SLCO5A1: variants seen among roughly 807,000 people sequenced by gnomAD.
SLCO5A1 encodes solute carrier organic anion transporter family member 5A1.
In SLCO5A1, 39 loss-of-function variants were observed where a neutral mutation model predicts 65.1. The observed-to-expected ratio is 0.60, with a 90% CI of 0.46 to 0.78. The LOEUF (loss-of-function observed/expected upper bound fraction) is 0.78, where lower values mean the gene tolerates loss of function less well. Ranked by LOEUF, SLCO5A1 falls within the 30% of genes least tolerant of loss-of-function variation. The pLI is 0.00. For missense variants in SLCO5A1, 1,029 were observed against 1,069.4 expected (o/e 0.96, Z 0.53); for synonymous variants, 438 against 415.7 (o/e 1.05, Z -0.65).
At chr8:69,680,003 C>G (rs963114164) in intron 7 of SLCO5A1, among the ~76,000 whole-genome samples, 11 of 152,210 alleles carry the variant, frequency 7.2e-5, no homozygotes, top group Middle Eastern at 3.2e-3. Flanking sequence ...GCTCACAGAG[C>G]ACCTAGCACA....
chr8:69,697,056 G>A (rs1814527311), intron 6 of SLCO5A1, among the ~76,000 whole-genome samples: 1 of 152,044 alleles, frequency 6.6e-6, no homozygotes, highest in South Asian at 2.1e-4. Context: ...AGAGAACACA[G>A]GGAAAAGAGA....
chr8:69,723,059 G>C (rs995919771), intron 5 of SLCO5A1, among the ~76,000 whole-genome samples: 2 of 152,080 alleles, frequency 1.3e-5, no homozygotes, highest in African/African-American at 4.8e-5. Flanking sequence ...TAGATTTTAT[G>C]TTGACCACAA....
intron 6 of SLCO5A1, among the ~76,000 whole-genome samples, chr8:69,688,240 C>T (rs35667598): frequency 0.04 from 6,070 of 152,176 alleles, 232 homozygotes; most frequent in African/African-American, 0.097. Flanking sequence ...TATGTCTATG[C>T]TCTTTTAAGC....
chr8:69,791,508 A>G (rs1771588684), intron 2 of SLCO5A1, among the ~76,000 whole-genome samples: 1 of 152,232 alleles, frequency 6.6e-6, no homozygotes, highest in African/African-American at 2.4e-5. Context: ...TATTAAATTC[A>G]TGACAAATAT....
chr8:69,731,329 A>G lies in SLCO5A1; in HGVS notation c.1423+6711T>C, dbSNP rs559087982. Reference sequence around the variant, plus strand: ...ATTGCAGTTTTTGTCATTACTTTCAACAGCAAAAACCGCAATTACTTTTGC... The same window carrying G: ...ATTGCAGTTTTTGTCATTACTTTCAGCAGCAAAAACCGCAATTACTTTTGC... On this transcript the variant is annotated intron_variant, in intron 5 of 9. Transcript: ENST00000260126. Among the ~76,000 whole-genome samples the G allele has an allele frequency of 2.0e-5, 3 of 152,334 alleles. No homozygotes were observed. The South Asian group carries it at 6.2e-4, about 32-fold the overall frequency.
chr8:69,827,867 T>C (rs1474676604), intron 2 of SLCO5A1, among the ~76,000 whole-genome samples: 1 of 152,238 alleles, frequency 6.6e-6, no homozygotes, highest in African/African-American at 2.4e-5. Flanking sequence ...AATCTTATTT[T>C]GATCATGTTT....
intron 6 of SLCO5A1, among the ~76,000 whole-genome samples, chr8:69,699,573 G>A (rs940689188): frequency 6.6e-6 from 1 of 151,410 alleles, no homozygotes; most frequent in Admixed American, 6.6e-5. Flanking sequence ...ACAGCAAACT[G>A]CTCAGCTTTT....
intron 2 of SLCO5A1, among the ~76,000 whole-genome samples, chr8:69,762,213 G>A (rs2130864890): frequency 7.1e-6 from 1 of 140,480 alleles, no homozygotes; most frequent in South Asian, 2.2e-4. Flanking sequence ...TTGAGACAGA[G>A]TCTTGCTCTG....
intron 3 of SLCO5A1, chr8:69,761,439 CT>C: frequency 3.4e-6 from 1 of 290,562 alleles, no homozygotes; most frequent in Non-Finnish European, 6.3e-6. Context: ...TTCTTTGATT[CT>C]TGCCCTCCTG....
intron 6 of SLCO5A1, among the ~76,000 whole-genome samples, chr8:69,686,163 T>C (rs1170139523): frequency 6.7e-6 from 1 of 149,798 alleles, no homozygotes; most frequent in South Asian, 2.1e-4. Context: ...TATTAAAAGA[T>C]GTGACAAGTA....
At chr8:69,789,179 T>G (rs1819162394) in intron 2 of SLCO5A1, among the ~76,000 whole-genome samples, 1 of 152,214 alleles carries the variant, frequency 6.6e-6, no homozygotes, top group African/African-American at 2.4e-5. Flanking sequence ...CCTCAGCTAC[T>G]ATAGAGCACC....
chr8:69,736,645 G>T (rs545346520), intron 5 of SLCO5A1, among the ~76,000 whole-genome samples: 1 of 152,308 alleles, frequency 6.6e-6, no homozygotes, highest in African/African-American at 2.4e-5. Context: ...GTCGTCTTCT[G>T]GGAGTTTCAC....
chr8:69,829,347 C>G (rs1183972891), intron 2 of SLCO5A1, among the ~76,000 whole-genome samples: 2 of 152,164 alleles, frequency 1.3e-5, no homozygotes, highest in African/African-American at 2.4e-5. Context: ...GGAACATTAG[C>G]CTTGCCCCTT....
At chr8:69,688,431 A>C (rs1439858158) in intron 6 of SLCO5A1, among the ~76,000 whole-genome samples, 1 of 152,020 alleles carries the variant, frequency 6.6e-6, no homozygotes, top group Non-Finnish European at 1.5e-5. Context: ...GGTGTGCTGC[A>C]CCCATTAACT....
chr8:69,796,049 G>C lies in SLCO5A1; in HGVS notation c.908-34174C>G, dbSNP rs1051259041. Among the ~76,000 whole-genome samples the C allele has an allele frequency of 3.3e-5, 5 of 152,246 alleles. No homozygotes were observed. In the South Asian group the frequency reaches 8.3e-4, roughly 25 times the overall value. Reference sequence around the variant, plus strand: ...CAGTGTCCCAAGATTGCACAGGGCAGGGGGGGCCCTGGGTCTGGCCCATGA... The same window carrying C: ...CAGTGTCCCAAGATTGCACAGGGCACGGGGGGCCCTGGGTCTGGCCCATGA... On this transcript the variant is annotated intron_variant, in intron 2 of 9. Transcript: ENST00000260126.
At chr8:69,718,147 T>A (rs937660613) in intron 5 of SLCO5A1, among the ~76,000 whole-genome samples, 1 of 152,218 alleles carries the variant, frequency 6.6e-6, no homozygotes, top group African/African-American at 2.4e-5. Context: ...ATTCTTTTGA[T>A]GCTAATGTAA....
intron 2 of SLCO5A1, among the ~76,000 whole-genome samples, chr8:69,817,700 C>T (rs556312626): frequency 6.6e-6 from 1 of 152,270 alleles, no homozygotes; most frequent in South Asian, 2.1e-4. Flanking sequence ...CTGGAGAGAA[C>T]CTCAGCCAAC....
chr8:69,830,252 T>A (rs1276596987), intron 2 of SLCO5A1, among the ~76,000 whole-genome samples: 1 of 152,234 alleles, frequency 6.6e-6, no homozygotes, highest in African/African-American at 2.4e-5. Context: ...CCTCTTATAT[T>A]GGATATCATT....
At chr8:69,695,574 T>G (rs1203980321) in intron 6 of SLCO5A1, among the ~76,000 whole-genome samples, 7 of 151,818 alleles carry the variant, frequency 4.6e-5, no homozygotes, top group Non-Finnish European at 7.4e-5. Flanking sequence ...TTTTAACCCT[T>G]CCGCACTATT....
Sources: allele counts gnomAD v4.1 joint callset (sites outside exome capture counted in the v4.1 genomes callset), GRCh38; gene constraint gnomAD v4.1.1; transcripts MANE v1.5; gene names NCBI Gene and HGNC (gene_info 2026-07-23, HGNC 2026-07-21).